Variants in PRELID2 observed in about 807,000 individuals in gnomAD.
PRELID2 encodes the protein PRELI domain containing 2, also known as PRELI domain-containing protein 2.
PRELID2 carries 25 observed loss-of-function variants against 28.4 expected under a neutral mutation model. That is an observed-to-expected ratio of 0.88 (90% CI 0.64 to 1.23). PRELID2 has a LOEUF of 1.23. Ranked by LOEUF, PRELID2 falls within the 50% of genes most tolerant of loss-of-function variation. PRELID2 has a pLI of 0.00. For missense variants in PRELID2, 201 were observed against 214.4 expected, an observed-to-expected ratio of 0.94 and a Z score of 0.39; for synonymous variants, 76 against 71.6, an observed-to-expected ratio of 1.06 and a Z score of -0.31.
chr5:145,634,994 A>ACAGT (rs1405748620), intron 1 of PRELID2, among the ~76,000 whole-genome samples: 3 of 152,130 alleles, frequency 2.0e-5, no homozygotes, highest in Non-Finnish European at 1.5e-5. Context: ...CATGCTCCAC[A>ACAGT]CAGTCCTACC....
chr5:145,305,390 C>T, the PRELID2 span, among the ~76,000 whole-genome samples: 4 of 152,018 alleles, frequency 2.6e-5, no homozygotes, highest in African/African-American at 7.3e-5. Flanking sequence ...CTTGAAAGAC[C>T]CAACTCTGTA....
At chr5:145,814,038 G>A (rs901369438) in intron 4 of PRELID2, among the ~76,000 whole-genome samples, 1 of 152,034 alleles carries the variant, frequency 6.6e-6, no homozygotes, top group African/African-American at 2.4e-5. Flanking sequence ...AATATCTCCA[G>A]GTATGATTAA....
At chr5:145,599,160 T>C (rs1195267371) in intron 1 of PRELID2, among the ~76,000 whole-genome samples, 1 of 152,172 alleles carries the variant, frequency 6.6e-6, no homozygotes, top group Non-Finnish European at 1.5e-5. Flanking sequence ...ATCTACACCT[T>C]AGTAGTAAGT....
chr5:145,359,290 TAC>T, the PRELID2 span, among the ~76,000 whole-genome samples: 1 of 152,134 alleles, frequency 6.6e-6, no homozygotes, highest in Non-Finnish European at 1.5e-5. Context: ...TTTGCCAGAA[TAC>T]CTAGTGCTAT....
At chr5:145,791,230 T>G (rs1581210932) in intron 5 of PRELID2, among the ~76,000 whole-genome samples, 3 of 152,068 alleles carry the variant, frequency 2.0e-5, no homozygotes, top group Middle Eastern at 3.4e-3. Context: ...GAGAACAGGA[T>G]GGAGGAAACA....
At chr5:145,340,976 A>G in the PRELID2 span, among the ~76,000 whole-genome samples, 1 of 151,762 alleles carries the variant, frequency 6.6e-6, no homozygotes, top group Admixed American at 6.6e-5. Context: ...TCACAAAGGA[A>G]GTCACAGATA....
At chr5:145,606,753 TTGC>T (rs879446348) in intron 1 of PRELID2, among the ~76,000 whole-genome samples, 1 of 152,154 alleles carries the variant, frequency 6.6e-6, no homozygotes, top group Non-Finnish European at 1.5e-5. Context: ...CGGCCAGGTT[TTGC>T]TATCAGGATG....
At chr5:145,584,255 G>A (rs1753133155) in intron 1 of PRELID2, among the ~76,000 whole-genome samples, 2 of 151,996 alleles carry the variant, frequency 1.3e-5, no homozygotes, top group African/African-American at 4.8e-5. Context: ...ATTGAAGCTG[G>A]ACCCCTTTCT....
the PRELID2 span, among the ~76,000 whole-genome samples, chr5:145,445,504 CA>C: frequency 0.014 from 2,149 of 151,760 alleles, 37 homozygotes; most frequent in East Asian, 0.044. Context: ...GCACAGAAAA[CA>C]AAAACAAAAA....
chr5:145,636,104 T>C (rs1278939086), intron 1 of PRELID2, among the ~76,000 whole-genome samples: 2 of 152,230 alleles, frequency 1.3e-5, no homozygotes, highest in African/African-American at 4.8e-5. Context: ...TCCAGTTGCC[T>C]AGCACTATTC....
the PRELID2 span, chr5:145,436,887 T>C: frequency 1.3e-5 from 2 of 152,186 alleles, no homozygotes; most frequent in Non-Finnish European, 2.9e-5. Flanking sequence ...TTCTGCAGCA[T>C]GCCTTCCTTA....
chr5:145,298,160 C>A, the PRELID2 span, among the ~76,000 whole-genome samples: 8 of 151,880 alleles, frequency 5.3e-5, no homozygotes, highest in South Asian at 2.1e-4. Context: ...CCGCATCGCC[C>A]AGTCAATCCT....
chr5:145,573,461 A>G (rs1580981633), intron 1 of PRELID2, among the ~76,000 whole-genome samples: 1 of 151,874 alleles, frequency 6.6e-6, no homozygotes, highest in East Asian at 1.9e-4. Flanking sequence ...TAAGCCCCAC[A>G]TGCATCAGGT....
chr5:145,558,167 G>A (rs1752897134), intron 1 of PRELID2, among the ~76,000 whole-genome samples: 1 of 152,136 alleles, frequency 6.6e-6, no homozygotes, highest in Non-Finnish European at 1.5e-5. Flanking sequence ...TTCTTAATGG[G>A]ACTATTAAAA....
chr5:145,776,104 T>C (rs1479723445), intron 5 of PRELID2, among the ~76,000 whole-genome samples: 1 of 152,250 alleles, frequency 6.6e-6, no homozygotes. Flanking sequence ...ACAGTTTCAG[T>C]TACCCACAGT....
the PRELID2 span, among the ~76,000 whole-genome samples, chr5:145,376,958 A>T: frequency 2.0e-5 from 3 of 151,762 alleles, no homozygotes; most frequent in East Asian, 1.9e-4. Flanking sequence ...TTGGTTATCT[A>T]GTTCTTTTAA....
At chr5:145,411,625 C>G in the PRELID2 span, among the ~76,000 whole-genome samples, 1 of 152,184 alleles carries the variant, frequency 6.6e-6, no homozygotes, top group South Asian at 2.1e-4. Context: ...TGCAAGCTGT[C>G]AGTGGATCTA....
chr5:145,720,858 G>A (rs1484573149), intron 1 of PRELID2, among the ~76,000 whole-genome samples: 1 of 152,006 alleles, frequency 6.6e-6, no homozygotes, highest in Non-Finnish European at 1.5e-5. Context: ...TATAGAAGCA[G>A]TTCTCAAATG....
chr5:145,573,258 C>A (rs1448939267), intron 1 of PRELID2, among the ~76,000 whole-genome samples: 1 of 152,102 alleles, frequency 6.6e-6, no homozygotes, highest in Non-Finnish European at 1.5e-5. Flanking sequence ...AGGCTTCTAG[C>A]AACATTCAGA....
Sources: allele counts gnomAD v4.1 joint callset (sites outside exome capture counted in the v4.1 genomes callset), GRCh38; gene constraint gnomAD v4.1.1; transcripts MANE v1.5; gene names NCBI Gene and HGNC (gene_info 2026-07-23, HGNC 2026-07-21).